The following BCAS3 variants were observed in gnomAD, a reference collection of about 807,000 sequenced individuals.
BCAS3 encodes BCAS3 microtubule associated cell migration factor, also known as BCAS4/BCAS3 fusion.
BCAS3 carries 53 observed loss-of-function variants against 116.1 expected under a neutral mutation model. The ratio of observed to expected loss-of-function variants is 0.46; its 90% CI spans 0.37 to 0.57. The LOEUF is 0.57. Ranked by LOEUF, BCAS3 falls within the 20% of genes least tolerant of loss-of-function variation. The pLI, the probability that BCAS3 is intolerant of heterozygous loss-of-function variation, is 0.00. For missense variants in BCAS3, 917 were observed against 1,165.4 expected (o/e 0.79, Z 3.10); for synonymous variants, 391 against 408.2 (o/e 0.96, Z 0.51).
intron 7 of BCAS3, among the ~76,000 whole-genome samples, chr17:60,813,376 G>T (rs2049025219): frequency 6.6e-6 from 1 of 152,006 alleles, no homozygotes; most frequent in African/African-American, 2.4e-5. Context: ...AGGACTACAG[G>T]TGTATGCCAC....
chr17:60,857,068 A>G (rs2053743656), intron 7 of BCAS3, among the ~76,000 whole-genome samples: 1 of 152,212 alleles, frequency 6.6e-6, no homozygotes, highest in Admixed American at 6.5e-5. Context: ...TTCAACACAC[A>G]TGCTCAGTAA....
chr17:61,109,207 T>G (rs1038008355), intron 22 of BCAS3, among the ~76,000 whole-genome samples: 14 of 146,628 alleles, frequency 9.5e-5, no homozygotes, highest in African/African-American at 2.8e-4. Flanking sequence ...AAAAAAAGAA[T>G]AATAGTCCCC....
intron 19 of BCAS3, among the ~76,000 whole-genome samples, chr17:61,046,848 A>G (rs1234103535): frequency 6.6e-6 from 1 of 151,962 alleles, no homozygotes; most frequent in Non-Finnish European, 1.5e-5. Flanking sequence ...CGGAAATTAT[A>G]ATAATAGTAG....
At chr17:61,047,070 C>T (rs188489074) in intron 19 of BCAS3, among the ~76,000 whole-genome samples, 33 of 152,088 alleles carry the variant, frequency 2.2e-4, no homozygotes, top group Admixed American at 1.8e-3. Context: ...ACACTAAACA[C>T]TTCTTATGTA....
intron 22 of BCAS3, among the ~76,000 whole-genome samples, chr17:61,109,446 T>C (rs1373378011): frequency 6.6e-6 from 1 of 152,134 alleles, no homozygotes; most frequent in Non-Finnish European, 1.5e-5. Flanking sequence ...TGACTTCTTT[T>C]CCTCTTGGTA....
At chr17:61,179,464 G>A (rs1194487095) in intron 22 of BCAS3, among the ~76,000 whole-genome samples, 5 of 152,220 alleles carry the variant, frequency 3.3e-5, no homozygotes, top group Middle Eastern at 3.4e-3. Flanking sequence ...TATTCTTGGA[G>A]CTTGCAGGCC....
chr17:60,691,719 CTT>C (rs897575381), intron 4 of BCAS3, among the ~76,000 whole-genome samples: 22 of 139,628 alleles, frequency 1.6e-4, no homozygotes, highest in Admixed American at 2.2e-4. Context: ...AATATGAAGC[CTT>C]TTTTTTTTTT....
intron 22 of BCAS3, among the ~76,000 whole-genome samples, chr17:61,301,404 C>T (rs918909372): frequency 1.3e-5 from 2 of 152,112 alleles, no homozygotes; most frequent in African/African-American, 4.8e-5. Context: ...GAGGCCGAGG[C>T]GGGTGGATCA....
At chr17:60,919,922 C>G (rs1166587474) in intron 12 of BCAS3, among the ~76,000 whole-genome samples, 2 of 151,984 alleles carry the variant, frequency 1.3e-5, no homozygotes, top group African/African-American at 4.8e-5. Context: ...AAAATATTTT[C>G]TAAACACAAA....
rs1304690524 is a variant in BCAS3 at position 61,278,968 on chromosome 17, A to T, written c.2426-89359A>T. ...ATTATGTACTTTTTTTTTTTTTTTT[A>T]AAGATGGAGTCTTGCTTTGTCACCC... On this transcript the variant is annotated intron_variant, in intron 22 of 23. Coordinates refer to ENST00000407086, the MANE Select transcript of BCAS3 (RefSeq NM_017679.5). The surrounding 1 kb of genome is among the most constrained non-coding windows in gnomAD (Gnocchi z 5.8). Among the ~76,000 whole-genome samples, 7 of 144,422 alleles carry T rather than the reference A, an allele frequency of 4.8e-5. No individual in the cohort carries two copies. Among genetic ancestry groups the T allele is most frequent in the Admixed American group, 6.8e-5 (1 of 14,746 alleles). 94.7% of individuals were successfully genotyped at this position (144,422 alleles called of 152,430 possible).
intron 6 of BCAS3, among the ~76,000 whole-genome samples, chr17:60,800,560 A>G (rs1417242009): frequency 6.6e-6 from 1 of 152,096 alleles, no homozygotes; most frequent in African/African-American, 2.4e-5. Context: ...TTCTTCTATC[A>G]TGGTCTTTGA....
chr17:61,193,220 G>T (rs2080254909), intron 22 of BCAS3, among the ~76,000 whole-genome samples: 1 of 151,818 alleles, frequency 6.6e-6, no homozygotes, highest in South Asian at 2.1e-4. Flanking sequence ...CGAGATCATG[G>T]CACTGCACTC....
At chr17:61,075,953 C>A (rs1197990600) in intron 20 of BCAS3, among the ~76,000 whole-genome samples, 1 of 151,794 alleles carries the variant, frequency 6.6e-6, no homozygotes, top group Non-Finnish European at 1.5e-5. Context: ...GAGACAGGAT[C>A]TCCCTATGTT....
chr17:61,033,277 C>T (rs2066780347), intron 16 of BCAS3, among the ~76,000 whole-genome samples: 1 of 152,098 alleles, frequency 6.6e-6, no homozygotes, highest in Non-Finnish European at 1.5e-5. Flanking sequence ...GGGCTCCATT[C>T]CCAGAATTTC....
chr17:61,264,138 A>T (rs1316659258), intron 22 of BCAS3, among the ~76,000 whole-genome samples: 1 of 151,996 alleles, frequency 6.6e-6, no homozygotes, highest in East Asian at 1.9e-4. Flanking sequence ...TTATATATAT[A>T]TAAAATTATA....
rs1316133968 is a variant in BCAS3 at position 61,205,408 on chromosome 17, A to G, written c.2425+120844A>G. ...AAGACCACCAGAATGAGGTATTTTC[A>G]TTTCTGCATACTTCTAATTCTACAA... On this transcript the variant is annotated intron_variant, in intron 22 of 23. Transcript: ENST00000407086. This position sits in a 1 kb window ranked among gnomAD's most constrained non-coding sequence, Gnocchi z 5.2. Among the ~76,000 whole-genome samples the G allele has an allele frequency of 2.0e-5, 3 of 152,206 alleles. No homozygotes were observed. The highest frequency in any genetic ancestry group is 4.4e-5 in the Non-Finnish European group (3 of 68,034).
rs2049573581 is a variant in BCAS3, at chr17:61,265,188, C to T, written c.2426-103139C>T. 6.6e-6 allele frequency among the ~76,000 whole-genome samples: 1 copy of T among 152,138 alleles called. No individual in the cohort carries two copies. Among genetic ancestry groups the T allele is most frequent in the African/African-American group, 2.4e-5 (1 of 41,442 alleles). ...CAGCACTTTGGGAGCCTGAGGCAGG[C>T]AGATCACCTGAGGTTGCGAGTTCAA... On this transcript the variant is annotated intron_variant, in intron 22 of 23. Transcript: ENST00000407086. This position sits in a 1 kb window ranked among gnomAD's most constrained non-coding sequence, Gnocchi z 4.3.
At chr17:61,035,582 CAAAAAAAA>C (rs61144658) in intron 17 of BCAS3, among the ~76,000 whole-genome samples, 6 of 65,310 alleles carry the variant, frequency 9.2e-5, no homozygotes, top group African/African-American at 2.9e-4. Flanking sequence ...GACTCCATCT[CAAAAAAAA>C]AAAAAAAAAA....
In BCAS3 at chr17:61,378,965, A is replaced by G. The variant is rs1037767469; in HGVS notation, c.2593+10471A>G. 3 of 152,344 alleles carry G rather than the reference A, an allele frequency of 2.0e-5. No homozygotes were observed. In the Middle Eastern group the frequency reaches 0.01, roughly 522 times the overall value. The allele number at this position is 152,344 out of a possible 1,614,324, so 9.4% of individuals were successfully genotyped here. A position where few individuals can be genotyped will look rare whatever the true frequency, so the allele number is the denominator to read the frequency against. The stretch of plus-strand genomic sequence containing the variant: ...CTTTCACCAAGGCACAGTGATTCCT[A>G]TCAACAAGGAGGAAGTGCCAGTGCG... On this transcript the variant is annotated intron_variant, in intron 23 of 23. Coordinates refer to ENST00000407086, the MANE Select transcript of BCAS3 (RefSeq NM_017679.5). The surrounding 1 kb of genome is among the most constrained non-coding windows in gnomAD (Gnocchi z 5.8).
Sources: allele counts gnomAD v4.1 joint callset (sites outside exome capture counted in the v4.1 genomes callset), GRCh38; gene constraint gnomAD v4.1.1; non-coding constraint Gnocchi (gnomAD v3.1); transcripts MANE v1.5; gene names NCBI Gene and HGNC (gene_info 2026-07-23, HGNC 2026-07-21).